The following SMURF2 variants were observed in gnomAD, a reference collection of about 807,000 sequenced individuals.
SMURF2 encodes the protein SMAD specific E3 ubiquitin protein ligase 2.
A neutral mutation model predicts 109.6 loss-of-function variants in SMURF2; 48 were observed. That is an observed-to-expected ratio of 0.44 (90% CI 0.35 to 0.56). The LOEUF is 0.56. Among genes scored for constraint, SMURF2 ranks in the 20% least tolerant of loss-of-function variants. The probability of loss-of-function intolerance (pLI) is 0.01; values close to 1 mark genes in which losing one functional copy is unlikely to be tolerated. For synonymous variants in SMURF2, 288 were observed against 317.1 expected, an observed-to-expected ratio of 0.91 and a Z score of 0.97; for missense variants, 575 against 909.0, an observed-to-expected ratio of 0.63 and a Z score of 4.72.
In SMURF2 at chr17:64,662,159, C is replaced by T. The variant is rs973069385; in HGVS notation, c.-279G>A. The T allele has an allele frequency of 3.9e-6, 4 of 1,034,730 alleles. No individual in the cohort carries two copies. The highest frequency in any genetic ancestry group is 7.9e-5 in the East Asian group (1 of 12,642). 64.1% of individuals were successfully genotyped at this position (1,034,730 alleles called of 1,614,324 possible). ...CCGCCTCCGCCCGCGCCCCCGCCGCCTCCTCGCGGCCGCCGAGGCCTTTCC... is the reference window on the plus strand; with the variant it reads ...CCGCCTCCGCCCGCGCCCCCGCCGCTTCCTCGCGGCCGCCGAGGCCTTTCC... On this transcript the variant is annotated 5_prime_UTR_variant, in exon 1 of 19. Transcript: ENST00000262435.
chr17:64,640,967 T>C lies in SMURF2; in HGVS notation c.52+20862A>G, dbSNP rs553706375. ...AAAAAGAAAAACAATGCAGACCCTA[T>C]AGGGAAGCACTAACATCATTTTATT... On this transcript the variant is annotated intron_variant, in intron 1 of 18. Transcript: ENST00000262435. Among the ~76,000 whole-genome samples, 6 of 151,072 alleles carry C rather than the reference T, an allele frequency of 4.0e-5. No homozygotes were observed. In the East Asian group the frequency reaches 5.8e-4, roughly 15 times the overall value.
chr17:64,561,140 A>C (rs1330525532), intron 12 of SMURF2, among the ~76,000 whole-genome samples: 1 of 152,202 alleles, frequency 6.6e-6, no homozygotes, highest in African/African-American at 2.4e-5. Context: ...GAAAAAAGGC[A>C]TAACAAATGG....
chr17:64,610,108 C>A (rs1276148348), intron 1 of SMURF2, among the ~76,000 whole-genome samples: 1 of 152,144 alleles, frequency 6.6e-6, no homozygotes, highest in Non-Finnish European at 1.5e-5. Context: ...CAGAAAACAA[C>A]AGATGCTGGA....
Position 64,660,461 on chromosome 17 carries a change from T to G in SMURF2, c.52+1368A>C, listed in dbSNP as rs1378864803. Among the ~76,000 whole-genome samples the G allele has an allele frequency of 4.6e-5, 7 of 152,320 alleles. No individual in the cohort carries two copies. The East Asian group carries it at 7.7e-4, about 17-fold the overall frequency. On this transcript the variant is annotated intron_variant, in intron 1 of 18. Transcript: ENST00000262435. ...CCATTAAGAATCACTCAGTTAATGA[T>G]TCCCTGCAATTTTCCCTAGGGAAAG... is the stretch of plus-strand genomic sequence containing the variant.
At chr17:64,599,288 G>A (rs1295354759) in intron 2 of SMURF2, among the ~76,000 whole-genome samples, 1 of 152,190 alleles carries the variant, frequency 6.6e-6, no homozygotes, top group Non-Finnish European at 1.5e-5. Context: ...AGAATCTAAA[G>A]TGTAGATTCT....
At chr17:64,584,548 G>A (rs1487835456) in intron 6 of SMURF2, among the ~76,000 whole-genome samples, 3 of 151,648 alleles carry the variant, frequency 2.0e-5, no homozygotes, top group Admixed American at 1.3e-4. Context: ...TAGAAGAGAC[G>A]TGGTTTCACC....
intron 12 of SMURF2, among the ~76,000 whole-genome samples, chr17:64,558,081 A>C (rs1454616930): frequency 1.3e-5 from 2 of 152,210 alleles, no homozygotes; most frequent in Non-Finnish European, 2.9e-5. Context: ...ATAAAACAAA[A>C]GGAAGAATAT....
intron 5 of SMURF2, among the ~76,000 whole-genome samples, chr17:64,587,617 A>C (rs1483964218): frequency 6.6e-6 from 1 of 152,172 alleles, no homozygotes; most frequent in African/African-American, 2.4e-5. Context: ...CCCTTCATTC[A>C]AAGAAGGGTC....
intron 3 of SMURF2, among the ~76,000 whole-genome samples, chr17:64,594,574 A>G (rs1265529484): frequency 6.6e-6 from 1 of 152,182 alleles, no homozygotes; most frequent in Non-Finnish European, 1.5e-5. Flanking sequence ...TTCAGTATGC[A>G]TGTACCAATT....
At chr17:64,614,734 A>ACT (rs1197345535) in intron 1 of SMURF2, among the ~76,000 whole-genome samples, 1 of 152,084 alleles carries the variant, frequency 6.6e-6, no homozygotes, top group Non-Finnish European at 1.5e-5. Flanking sequence ...TACATCATTC[A>ACT]CTCTCTCATT....
At chr17:64,642,768 A>C (rs1970507984) in intron 1 of SMURF2, among the ~76,000 whole-genome samples, 1 of 152,094 alleles carries the variant, frequency 6.6e-6, no homozygotes, top group South Asian at 2.1e-4. Flanking sequence ...AACATCAACC[A>C]ACCAATTTTA....
At chr17:64,548,918 C>A (rs1555683380) in intron 16 of SMURF2, among the ~76,000 whole-genome samples, 1 of 152,086 alleles carries the variant, frequency 6.6e-6, no homozygotes. Context: ...ACATAACTTG[C>A]AAATCCTGTA....
At chr17:64,660,372 C>T (rs78699916) in intron 1 of SMURF2, among the ~76,000 whole-genome samples, 3,448 of 152,192 alleles carry the variant, frequency 0.023, 62 homozygotes, top group Middle Eastern at 0.041. Flanking sequence ...TGACTCCTCC[C>T]AATGTAAGGA....
chr17:64,578,822 T>C (rs1969536223), intron 8 of SMURF2, among the ~76,000 whole-genome samples: 1 of 152,222 alleles, frequency 6.6e-6, no homozygotes, highest in Non-Finnish European at 1.5e-5. Flanking sequence ...AAATACTAAA[T>C]ATGTTGCAAT....
At chr17:64,602,779 T>C (rs1555688693) in intron 2 of SMURF2, among the ~76,000 whole-genome samples, 1 of 151,992 alleles carries the variant, frequency 6.6e-6, no homozygotes, top group African/African-American at 2.4e-5. Flanking sequence ...ATACAAAAAA[T>C]TAGCCGGGTG....
At chr17:64,614,245 T>C (rs1362661426) in intron 1 of SMURF2, among the ~76,000 whole-genome samples, 2 of 152,192 alleles carry the variant, frequency 1.3e-5, no homozygotes, top group African/African-American at 4.8e-5. Context: ...ATTGAAATTA[T>C]ATATACAGAA....
intron 1 of SMURF2, among the ~76,000 whole-genome samples, chr17:64,615,536 T>C (rs1970109029): frequency 6.6e-6 from 1 of 152,192 alleles, no homozygotes; most frequent in Non-Finnish European, 1.5e-5. Flanking sequence ...ATCTTTCTGC[T>C]CTGAGAAACA....
chr17:64,619,094 T>C (rs1290359224), intron 1 of SMURF2, among the ~76,000 whole-genome samples: 1 of 152,118 alleles, frequency 6.6e-6, no homozygotes, highest in Non-Finnish European at 1.5e-5. Context: ...CAGTACCTGG[T>C]ACACAGCAAG....
intron 2 of SMURF2, among the ~76,000 whole-genome samples, chr17:64,601,401 C>CA (rs1215881982): frequency 5.1e-4 from 78 of 152,026 alleles, no homozygotes; most frequent in African/African-American, 1.8e-3. Flanking sequence ...AGACAATTCT[C>CA]AAAAAAAGAT....
Sources: gnomAD v4.1 joint callset for allele counts (sites outside exome capture counted in the v4.1 genomes callset) on GRCh38, gnomAD v4.1.1 for gene constraint, MANE v1.5 for transcripts, NCBI Gene and HGNC (gene_info 2026-07-23, HGNC 2026-07-21) for gene names.